The following RAPGEF6 variants were observed in gnomAD, a reference collection of about 807,000 sequenced individuals.
The protein encoded by RAPGEF6 is PDZ domain containing guanine nucleotide exchange factor (GEF) 2.
A neutral mutation model predicts 171.4 loss-of-function variants in RAPGEF6; 56 were observed. The ratio of observed to expected loss-of-function variants is 0.33; its 90% CI spans 0.26 to 0.41. The LOEUF is 0.41. Ranked by LOEUF, RAPGEF6 falls within the 10% of genes least tolerant of loss-of-function variation. The pLI, the probability that RAPGEF6 is intolerant of heterozygous loss-of-function variation, is 1.00. For missense variants in RAPGEF6, 1,674 were observed against 1,921.4 expected (o/e 0.87, Z 2.41); for synonymous variants, 692 against 650.1 (o/e 1.06, Z -0.98).
At chr5:131,469,847 G>A in intron 17 of RAPGEF6, 1 of 1,510,964 alleles carries the variant, frequency 6.6e-7, no homozygotes. Flanking sequence ...CAAAATCAAA[G>A]TAAGCAATCA....
chr5:131,620,811 C>T (rs949823384), intron 1 of RAPGEF6, among the ~76,000 whole-genome samples: 16 of 152,156 alleles, frequency 1.1e-4, no homozygotes, highest in Non-Finnish European at 2.2e-4. Flanking sequence ...AGGTTGGCCT[C>T]GAACTCCTGG....
intron 4 of RAPGEF6, among the ~76,000 whole-genome samples, chr5:131,572,523 T>C (rs1762366696): frequency 6.6e-6 from 1 of 152,214 alleles, no homozygotes; most frequent in Non-Finnish European, 1.5e-5. Context: ...CAGGGACGCC[T>C]GCCTTGATCA....
In RAPGEF6 at chr5:131,541,480, T is replaced by C. The variant is rs114148628; in HGVS notation, c.495+6567A>G. On this transcript the variant is annotated intron_variant, in intron 6 of 27. Coordinates refer to ENST00000509018, the MANE Select transcript of RAPGEF6 (RefSeq NM_016340.6). The stretch of plus-strand genomic sequence containing the variant: ...GAGCTAAATAAGAAAAGGATTTATA[T>C]GCCATATACTCTCAAGATTCTTAAT... Among the ~76,000 whole-genome samples, 518 of 152,190 alleles carry C rather than the reference T, an allele frequency of 3.4e-3. 4 individuals carry two copies. The highest frequency in any genetic ancestry group is 0.012 in the African/African-American group (490 of 41,568).
chr5:131,530,647 C>T lies in RAPGEF6; in HGVS notation c.496-9126G>A, dbSNP rs143004335. Among the ~76,000 whole-genome samples the T allele has an allele frequency of 4.4e-3, 666 of 152,264 alleles. 7 individuals carry two copies. Among genetic ancestry groups the T allele is most frequent in the African/African-American group, 0.015 (629 of 41,554 alleles). ...TACTCTTACAAATACTTGATTTACA[C>T]AGTAGAGTACCAATCCAGAATCCTG... On this transcript the variant is annotated intron_variant, in intron 6 of 27. Transcript: ENST00000509018.
chr5:131,558,222 T>G (rs1379694650), intron 5 of RAPGEF6, among the ~76,000 whole-genome samples: 1 of 151,742 alleles, frequency 6.6e-6, no homozygotes, highest in East Asian at 1.9e-4. Flanking sequence ...AGTTTGGTTT[T>G]TTTTTTTTTT....
intron 17 of RAPGEF6, chr5:131,472,338 TG>T (rs543961398): frequency 2.0e-4 from 94 of 479,258 alleles, no homozygotes; most frequent in African/African-American, 1.7e-3. Flanking sequence ...CCCAAAGTGC[TG>T]GGATTACAGG....
intron 6 of RAPGEF6, among the ~76,000 whole-genome samples, chr5:131,534,643 C>A (rs143773845): frequency 1.4e-5 from 2 of 144,610 alleles, no homozygotes; most frequent in African/African-American, 2.6e-5. Context: ...ATCAATCATA[C>A]GTGAGTTGGA....
At chr5:131,449,982 C>T (rs775482880) in intron 21 of RAPGEF6, 12 of 1,515,310 alleles carry the variant, frequency 7.9e-6, no homozygotes, top group Admixed American at 2.0e-5. Context: ...TGTTAAGAGT[C>T]GCACAACCTT....
At chr5:131,446,164 A>T (rs1036334383) in intron 22 of RAPGEF6, among the ~76,000 whole-genome samples, 3 of 152,232 alleles carry the variant, frequency 2.0e-5, no homozygotes, top group Non-Finnish European at 2.9e-5. Context: ...AAGAGGTAAA[A>T]ATTCCACTTA....
At chr5:131,551,143 A>G (rs1760896957) in intron 5 of RAPGEF6, among the ~76,000 whole-genome samples, 1 of 152,232 alleles carries the variant, frequency 6.6e-6, no homozygotes, top group South Asian at 2.1e-4. Context: ...ACTGCAGCTT[A>G]TCTCATTTAA....
At chr5:131,482,219 T>C (rs1403422660) in intron 15 of RAPGEF6, among the ~76,000 whole-genome samples, 2 of 152,206 alleles carry the variant, frequency 1.3e-5, no homozygotes, top group Non-Finnish European at 2.9e-5. Context: ...AATAAAATAT[T>C]TAACAAATTT....
At chr5:131,492,808 T>C (rs760468907) in intron 13 of RAPGEF6, 23 bp from the exon 14 acceptor site, 8 of 1,573,288 alleles carry the variant, frequency 5.1e-6, no homozygotes, top group Non-Finnish European at 7.0e-6. Flanking sequence ...AAAGGATAAA[T>C]GTATATAAAT....
chr5:131,450,686 C>G (rs901219158), intron 21 of RAPGEF6, among the ~76,000 whole-genome samples: 12 of 152,110 alleles, frequency 7.9e-5, no homozygotes. Flanking sequence ...AAAGGGGTTA[C>G]TTTGTCCAAA....
intron 4 of RAPGEF6, among the ~76,000 whole-genome samples, chr5:131,573,653 C>T (rs769275201): frequency 2.0e-5 from 3 of 152,030 alleles, no homozygotes; most frequent in Non-Finnish European, 2.9e-5. Flanking sequence ...GACGGACTCC[C>T]CAGGTATAGC....
intron 1 of RAPGEF6, among the ~76,000 whole-genome samples, chr5:131,623,048 A>G (rs1249390428): frequency 1.3e-5 from 2 of 152,232 alleles, no homozygotes; most frequent in African/African-American, 4.8e-5. Context: ...ATAACCAAAA[A>G]TACCTAGTTC....
rs1441863912 is a variant in RAPGEF6 at position 131,472,629 on chromosome 5, G to C, written c.2197C>G (p.Leu733Val). ...GTLSSSSPDL[L>V]QPTTSMLDFS... ...TCCAACATACTGGTGGTAGGCTGCA[G>C]GAGATCAGGGCTGCTGGATGAGAGT... is the stretch of plus-strand genomic sequence containing the variant. Residue 733 changes from leucine to valine, a missense_variant, in exon 17 of 28, where the codon CTG becomes GTG. Physicochemically the swap from Leu to Val is conservative, Grantham distance 32. Transcript: ENST00000509018. 6 of 1,613,972 alleles carry C rather than the reference G, an allele frequency of 3.7e-6. No individual in the cohort carries two copies. The highest frequency in any genetic ancestry group is 3.3e-5 in the Admixed American group (2 of 60,000).
At position 131,498,626 on chromosome 5, in the gene RAPGEF6, G is replaced by A. The variant is rs374308342; in HGVS notation, c.1255-19C>T. ...GTGTTGCCTAAAAATCCAAGGATAG[G>A]AAGGATTAGAAAATAAACAAATGAC... On this transcript the variant is annotated intron_variant, in intron 11 of 27. Transcript: ENST00000509018. 66 of 1,603,706 alleles carry A rather than the reference G, an allele frequency of 4.1e-5. No homozygotes were observed. Among genetic ancestry groups the A allele is most frequent in the Admixed American group, 5.1e-5 (3 of 58,318 alleles).
chr5:131,503,348 T>C lies in RAPGEF6; in HGVS notation c.1254+1278A>G, dbSNP rs79411252. ...CTGTTCTTGCAACTTTTCTATAAAG[T>C]TTGAAATTATTTAGAAATAAATTAC... On this transcript the variant is annotated intron_variant, in intron 11 of 27. Transcript: ENST00000509018. 2.6e-5 allele frequency among the ~76,000 whole-genome samples: 4 copies of C among 152,318 alleles called. No individual in the cohort carries two copies. The East Asian group carries it at 5.8e-4, about 22-fold the overall frequency.
intron 4 of RAPGEF6, among the ~76,000 whole-genome samples, chr5:131,568,279 T>A (rs1041838250): frequency 2.0e-5 from 3 of 152,162 alleles, no homozygotes; most frequent in African/African-American, 7.2e-5. Flanking sequence ...TGTCAAATAT[T>A]TTTGTTTAGT....
Sources: gnomAD v4.1 joint callset for allele counts (sites outside exome capture counted in the v4.1 genomes callset) on GRCh38, gnomAD v4.1.1 for gene constraint, MANE v1.5 for transcripts, NCBI Gene and HGNC (gene_info 2026-07-23, HGNC 2026-07-21) for gene names.